DPF3: variants seen among roughly 807,000 people sequenced by gnomAD.
DPF3 encodes the protein double PHD fingers 3, also known as zinc finger protein DPF3.
A neutral mutation model predicts 56.8 loss-of-function variants in DPF3; 18 were observed. The ratio of observed to expected loss-of-function variants is 0.32; its 90% CI spans 0.22 to 0.47. DPF3 has a LOEUF of 0.47. Ranked by LOEUF, DPF3 falls within the 20% of genes least tolerant of loss-of-function variation. The pLI, the probability that DPF3 is intolerant of heterozygous loss-of-function variation, is 1.00. For synonymous variants in DPF3, 188 were observed against 180.2 expected (o/e 1.04, Z -0.35); for missense variants, 403 against 488.8 (o/e 0.82, Z 1.65).
intron 1 of DPF3, among the ~76,000 whole-genome samples, chr14:72,787,001 T>G (rs1455653823): frequency 6.6e-6 from 1 of 152,264 alleles, no homozygotes; most frequent in African/African-American, 2.4e-5. Flanking sequence ...AGCTGAAGAC[T>G]TGAGAGCATT....
intron 9 of DPF3, among the ~76,000 whole-genome samples, chr14:72,621,956 T>C (rs1008803911): frequency 6.6e-6 from 1 of 152,158 alleles, no homozygotes; most frequent in African/African-American, 2.4e-5. Flanking sequence ...AGGGATGACC[T>C]GGAGGCTGTT....
intron 3 of DPF3, among the ~76,000 whole-genome samples, chr14:72,746,612 G>A (rs570327453): frequency 6.6e-6 from 1 of 152,368 alleles, no homozygotes; most frequent in East Asian, 1.9e-4. Context: ...GCATCTGGGG[G>A]CTGGTGTGGA....
chr14:72,796,722 C>G (rs1192318258), intron 1 of DPF3, among the ~76,000 whole-genome samples: 3 of 152,114 alleles, frequency 2.0e-5, no homozygotes, highest in Non-Finnish European at 4.4e-5. Flanking sequence ...GAAAGTAGAC[C>G]TCTTGGGGCC....
intron 7 of DPF3, 61 bp from the exon 8 acceptor site, chr14:72,674,429 TCTC>T: frequency 6.4e-7 from 1 of 1,571,006 alleles, no homozygotes; most frequent in Non-Finnish European, 8.6e-7. Context: ...TGCCCCTTCT[TCTC>T]CTCCTACAGT....
At chr14:72,864,021 G>T (rs1885560998) in intron 1 of DPF3, among the ~76,000 whole-genome samples, 1 of 152,180 alleles carries the variant, frequency 6.6e-6, no homozygotes, top group Non-Finnish European at 1.5e-5. Flanking sequence ...TCTGCCAAAA[G>T]GTGGTGGAAT....
chr14:72,778,313 A>G (rs1408471896), intron 1 of DPF3, among the ~76,000 whole-genome samples: 2 of 152,172 alleles, frequency 1.3e-5, no homozygotes, highest in African/African-American at 2.4e-5. Context: ...TGTCAGATCA[A>G]TGGCAGCACT....
rs544961942 is a variant in DPF3 at position 72,815,230 on chromosome 14, A to G, written c.33-43337T>C. Among the ~76,000 whole-genome samples, 6 of 152,322 alleles carry G rather than the reference A, an allele frequency of 3.9e-5. No individual in the cohort carries two copies. In the South Asian group the frequency reaches 1.2e-3, roughly 32 times the overall value. ...AGATGGCCAAAAAGCACATCAAAAA[A>G]AAAAGGTTCAACATTATTAGTTAGC... On this transcript the variant is annotated intron_variant, in intron 1 of 10. Transcript: ENST00000556509.
At chr14:72,842,880 A>C (rs1295416890) in intron 1 of DPF3, among the ~76,000 whole-genome samples, 1 of 152,016 alleles carries the variant, frequency 6.6e-6, no homozygotes, top group Non-Finnish European at 1.5e-5. Flanking sequence ...AAAATTAGCC[A>C]GGCGTGGTGG....
At chr14:72,868,686 C>T (rs918915105) in intron 1 of DPF3, among the ~76,000 whole-genome samples, 1 of 152,180 alleles carries the variant, frequency 6.6e-6, no homozygotes, top group Non-Finnish European at 1.5e-5. Flanking sequence ...GCATGGAAAA[C>T]CTCCAAGGAG....
At chr14:72,692,969 A>G in intron 7 of DPF3, 107 bp downstream of exon 7, 1 of 1,546,908 alleles carries the variant, frequency 6.5e-7, no homozygotes, top group South Asian at 1.2e-5. Context: ...AGACCACTCA[A>G]CGGTTGCTAC....
At chr14:72,783,589 C>CA (rs1301737563) in intron 1 of DPF3, among the ~76,000 whole-genome samples, 3 of 152,222 alleles carry the variant, frequency 2.0e-5, no homozygotes, top group Non-Finnish European at 2.9e-5. Context: ...GCACAGTCCA[C>CA]AGTCCACACT....
At chr14:72,626,215 G>A (rs561636750) in intron 9 of DPF3, among the ~76,000 whole-genome samples, 17 of 152,180 alleles carry the variant, frequency 1.1e-4, no homozygotes, top group African/African-American at 4.1e-4. Flanking sequence ...AAGAGTCAAA[G>A]CTATACAAGA....
intron 1 of DPF3, among the ~76,000 whole-genome samples, chr14:72,887,185 ACACACAC>A (rs1432694646): frequency 1.4e-5 from 2 of 146,638 alleles, no homozygotes; most frequent in Non-Finnish European, 1.5e-5. Flanking sequence ...ACACACACAC[ACACACAC>A]ACACAAAAGG....
chr14:72,658,387 G>T (rs1286371198), intron 8 of DPF3, among the ~76,000 whole-genome samples: 1 of 151,948 alleles, frequency 6.6e-6, no homozygotes, highest in Non-Finnish European at 1.5e-5. Flanking sequence ...ATGAAAGGAA[G>T]TTCTGAAACT....
intron 8 of DPF3, among the ~76,000 whole-genome samples, chr14:72,630,118 C>T (rs549585104): frequency 1.3e-5 from 2 of 152,298 alleles, no homozygotes; most frequent in African/African-American, 4.8e-5. Flanking sequence ...TATGGCAGCA[C>T]AACAGGTAAG....
intron 1 of DPF3, among the ~76,000 whole-genome samples, chr14:72,880,582 G>A (rs1050736791): frequency 1.3e-5 from 2 of 152,102 alleles, no homozygotes; most frequent in East Asian, 1.9e-4. Context: ...TTTCAGACAC[G>A]GTCTCACTCT....
intron 5 of DPF3, among the ~76,000 whole-genome samples, chr14:72,719,635 G>A (rs1889085105): frequency 6.6e-6 from 1 of 152,158 alleles, no homozygotes; most frequent in African/African-American, 2.4e-5. Flanking sequence ...GAATTTTAAA[G>A]AGCTTTGACT....
In DPF3 at chr14:72,702,102, C is replaced by A. The variant is rs554822709; in HGVS notation, c.605-8889G>T. On this transcript the variant is annotated intron_variant, in intron 6 of 10. Transcript: ENST00000556509. The stretch of plus-strand genomic sequence containing the variant: ...TGGATGGCACAGCCAGAGTTTGAGC[C>A]CTGGTCTGTCTGCCCTTGAAGCACG... 7.9e-5 allele frequency among the ~76,000 whole-genome samples: 12 copies of A among 152,266 alleles called. 1 individual carries two copies. In the South Asian group the frequency reaches 2.3e-3, roughly 29 times the overall value.
intron 3 of DPF3, among the ~76,000 whole-genome samples, chr14:72,737,738 G>A (rs1468629449): frequency 6.6e-6 from 1 of 152,122 alleles, no homozygotes; most frequent in Admixed American, 6.5e-5. Flanking sequence ...CTGCCCCAAG[G>A]GAAATTGTGG....
Sources: allele counts gnomAD v4.1 joint callset (sites outside exome capture counted in the v4.1 genomes callset), GRCh38; gene constraint gnomAD v4.1.1; transcripts MANE v1.5; gene names NCBI Gene and HGNC (gene_info 2026-07-23, HGNC 2026-07-21).